The following IL1RAPL1 variants were observed in gnomAD, a reference collection of about 807,000 sequenced individuals.
IL1RAPL1 encodes the protein interleukin 1 receptor accessory protein like 1, also known as interleukin-1 receptor accessory protein-like 1.
Under a neutral mutation model 48.4 loss-of-function variants are expected in IL1RAPL1, and 3 were observed. The observed-to-expected ratio is 0.06, with a 90% CI of 0.03 to 0.16. The LOEUF (loss-of-function observed/expected upper bound fraction) is 0.16. IL1RAPL1 is among the 10% of genes least tolerant of loss of function. IL1RAPL1 has a pLI of 1.00. For missense variants in IL1RAPL1, 349 were observed against 530.6 expected, an observed-to-expected ratio of 0.66 and a Z score of 3.36; for synonymous variants, 185 against 187.7, an observed-to-expected ratio of 0.99 and a Z score of 0.12.
At chrX:29,422,353 GGCTATGAGACT>G (rs1357065864) in intron 5 of IL1RAPL1, among the ~76,000 whole-genome samples, 1 of 111,087 alleles carries the variant, frequency 9.0e-6, no homozygotes, top group Non-Finnish European at 1.9e-5. Context: ...GAATCAGAGA[GGCTATGAGACT>G]GCTTTTTCAG....
At chrX:29,204,353 C>T (rs751083266) in intron 2 of IL1RAPL1, among the ~76,000 whole-genome samples, 1 of 111,917 alleles carries the variant, frequency 8.9e-6, no homozygotes, top group African/African-American at 3.2e-5. Context: ...TACAAGAGTT[C>T]CCCTTTCCGC....
At chrX:28,795,164 CT>C (rs1181897880) in intron 2 of IL1RAPL1, among the ~76,000 whole-genome samples, 1 of 111,061 alleles carries the variant, frequency 9.0e-6, no homozygotes, top group African/African-American at 3.3e-5. Flanking sequence ...AAAAAATGCA[CT>C]TTAATTTTTT....
rs757792585 is a variant in IL1RAPL1 at position 29,798,057 on chromosome X, T to C, written c.779-119407T>C. Among the ~76,000 whole-genome samples, 4 of 111,806 alleles carry C rather than the reference T, an allele frequency of 3.6e-5. No individual in the cohort carries two copies. The Admixed American group carries it at 3.8e-4, about 11-fold the overall frequency. On this transcript the variant is annotated intron_variant, in intron 6 of 10. Coordinates refer to ENST00000378993, the MANE Select transcript of IL1RAPL1 (RefSeq NM_014271.4). ...CCCTGACTTGGAGTATCAGAAACTT[T>C]AAACCTGTTTGAACAAGCTCTTGCT...
At chrX:29,711,854 C>T (rs1007751623) in intron 6 of IL1RAPL1, among the ~76,000 whole-genome samples, 40 of 111,196 alleles carry the variant, frequency 3.6e-4, no homozygotes, top group African/African-American at 1.1e-3. Flanking sequence ...GAAATATAAA[C>T]GATCATTTAG....
At chrX:29,679,567 C>G (rs1268395027) in intron 6 of IL1RAPL1, among the ~76,000 whole-genome samples, 2 of 111,509 alleles carry the variant, frequency 1.8e-5, no homozygotes, top group Non-Finnish European at 3.8e-5. Flanking sequence ...AGATATTGTT[C>G]TTAGGCATAA....
chrX:28,721,290 C>A (rs1277793354), intron 1 of IL1RAPL1, among the ~76,000 whole-genome samples: 2 of 112,056 alleles, frequency 1.8e-5, no homozygotes, highest in Non-Finnish European at 3.8e-5. Flanking sequence ...GCCATTCTAA[C>A]TGGTGTGAGA....
chrX:29,377,952 T>A lies in IL1RAPL1; in HGVS notation c.363-18306T>A, dbSNP rs1933644599. 4.5e-5 allele frequency among the ~76,000 whole-genome samples: 5 copies of A among 111,337 alleles called. No homozygotes were observed. The South Asian group carries it at 1.9e-3, about 42-fold the overall frequency. ...TTGTGAACTATATCCTCAAACATAT[T>A]TTTTAAGTTGCTTATTCTCTCTTCT... On this transcript the variant is annotated intron_variant, in intron 3 of 10. Coordinates refer to ENST00000378993, the MANE Select transcript of IL1RAPL1 (RefSeq NM_014271.4).
chrX:29,668,347 TG>T, intron 5 of IL1RAPL1, 82 bp from the exon 6 acceptor site: 1 of 875,418 alleles, frequency 1.1e-6, no homozygotes, highest in Non-Finnish European at 1.7e-6. Flanking sequence ...GAAAAATATT[TG>T]GGAAAATAGA....
intron 6 of IL1RAPL1, among the ~76,000 whole-genome samples, chrX:29,882,483 A>G (rs1932051593): frequency 8.9e-6 from 1 of 111,870 alleles, no homozygotes; most frequent in Non-Finnish European, 1.9e-5. Flanking sequence ...AATAATCTAC[A>G]TCAAATGTCA....
At chrX:29,778,268 A>T (rs1929254436) in intron 6 of IL1RAPL1, among the ~76,000 whole-genome samples, 1 of 111,894 alleles carries the variant, frequency 8.9e-6, no homozygotes, top group East Asian at 2.8e-4. Flanking sequence ...AACACAACAT[A>T]TCCAGACTAG....
chrX:29,036,871 C>T (rs1926742566), intron 2 of IL1RAPL1, among the ~76,000 whole-genome samples: 1 of 111,482 alleles, frequency 9.0e-6, no homozygotes, highest in African/African-American at 3.3e-5. Flanking sequence ...CCAGCCTGTC[C>T]TATAAATTTG....
At chrX:28,931,196 C>G (rs1377058384) in intron 2 of IL1RAPL1, among the ~76,000 whole-genome samples, 1 of 111,609 alleles carries the variant, frequency 9.0e-6, no homozygotes, top group Non-Finnish European at 1.9e-5. Context: ...TTAATTCTAA[C>G]AAGTCTTGGA....
chrX:28,858,440 AT>A (rs746410313), intron 2 of IL1RAPL1, among the ~76,000 whole-genome samples: 32 of 112,086 alleles, frequency 2.9e-4, no homozygotes, highest in African/African-American at 9.4e-4. Flanking sequence ...TTGTTGTCTT[AT>A]TTTAAGAAAT....
At chrX:29,711,069 T>TACGCACACACACACACAC (rs1927337130) in intron 6 of IL1RAPL1, among the ~76,000 whole-genome samples, 1 of 86,449 alleles carries the variant, frequency 1.2e-5, no homozygotes, top group African/African-American at 4.2e-5. Context: ...TGTGTGTGTA[T>TACGCACACACACACACAC]ACACACACAC....
intron 2 of IL1RAPL1, among the ~76,000 whole-genome samples, chrX:29,182,479 T>A (rs1268177323): frequency 9.0e-6 from 1 of 111,696 alleles, no homozygotes; most frequent in African/African-American, 3.3e-5. Flanking sequence ...GGATTGCACA[T>A]AGTTGAATTG....
intron 2 of IL1RAPL1, among the ~76,000 whole-genome samples, chrX:28,807,857 G>C (rs1186801358): frequency 9.0e-6 from 1 of 110,633 alleles, no homozygotes; most frequent in Admixed American, 9.7e-5. Context: ...TTTTGCATCA[G>C]ACTATCTCTT....
intron 2 of IL1RAPL1, among the ~76,000 whole-genome samples, chrX:29,267,532 CAT>C (rs764294225): frequency 9.0e-4 from 101 of 111,832 alleles, no homozygotes; most frequent in African/African-American, 3.2e-3. Flanking sequence ...CATCCCCACA[CAT>C]GAGAACTATC....
chrX:29,804,591 C>A (rs187721312), intron 6 of IL1RAPL1, among the ~76,000 whole-genome samples: 2 of 111,867 alleles, frequency 1.8e-5, no homozygotes, highest in East Asian at 5.6e-4. Context: ...GTAAGACATA[C>A]CCTTGCTCTT....
chrX:29,099,092 C>T (rs1928277460), intron 2 of IL1RAPL1, among the ~76,000 whole-genome samples: 1 of 111,734 alleles, frequency 8.9e-6, no homozygotes, highest in Non-Finnish European at 1.9e-5. Flanking sequence ...GCAGAGGTTG[C>T]AGTGACCCAA....
Sources: gnomAD v4.1 joint callset for allele counts (sites outside exome capture counted in the v4.1 genomes callset) on GRCh38, gnomAD v4.1.1 for gene constraint, MANE v1.5 for transcripts, NCBI Gene and HGNC (gene_info 2026-07-23, HGNC 2026-07-21) for gene names.